The following CTNNA1 variants were observed in gnomAD, a reference collection of about 807,000 sequenced individuals.
CTNNA1 encodes catenin alpha-1.
In CTNNA1, 37 loss-of-function variants were observed where a neutral mutation model predicts 98.4. That is an observed-to-expected ratio of 0.38 (90% CI 0.29 to 0.49). The LOEUF is 0.49. Ranked by LOEUF, CTNNA1 falls within the 20% of genes least tolerant of loss-of-function variation. The pLI is 0.95. For missense variants in CTNNA1, 761 were observed against 1,147.2 expected (o/e 0.66, Z 4.86); for synonymous variants, 404 against 413.2 (o/e 0.98, Z 0.27).
intron 1 of CTNNA1, among the ~76,000 whole-genome samples, chr5:138,764,274 A>G (rs1226229440): frequency 6.7e-6 from 1 of 150,256 alleles, no homozygotes; most frequent in Non-Finnish European, 1.5e-5. Context: ...GCTGAGGCAG[A>G]AGAATCCCTT....
intron 1 of CTNNA1, among the ~76,000 whole-genome samples, chr5:138,780,671 C>G (rs1490823919): frequency 6.6e-6 from 1 of 152,012 alleles, no homozygotes; most frequent in Non-Finnish European, 1.5e-5. Flanking sequence ...GCGTGCACCA[C>G]CAGCCTGGCT....
chr5:138,840,969 C>T (rs1200021872), intron 7 of CTNNA1, among the ~76,000 whole-genome samples: 2 of 152,166 alleles, frequency 1.3e-5, no homozygotes, highest in African/African-American at 4.8e-5. Flanking sequence ...CAGGTTCTGT[C>T]ATGAGCATTG....
intron 7 of CTNNA1, among the ~76,000 whole-genome samples, chr5:138,837,691 A>G (rs1191527624): frequency 1.3e-5 from 2 of 151,384 alleles, no homozygotes; most frequent in Non-Finnish European, 2.9e-5. Context: ...GTGCAATCAC[A>G]GCTCACTGCA....
At chr5:138,798,739 G>A (rs543927352) in intron 3 of CTNNA1, among the ~76,000 whole-genome samples, 1 of 152,252 alleles carries the variant, frequency 6.6e-6, no homozygotes, top group South Asian at 2.1e-4. Flanking sequence ...AACATCAGGG[G>A]ATGACAGATT....
At chr5:138,759,345 A>G (rs1752059757) in intron 1 of CTNNA1, among the ~76,000 whole-genome samples, 1 of 152,154 alleles carries the variant, frequency 6.6e-6, no homozygotes, top group African/African-American at 2.4e-5. Context: ...AGGACTTCTC[A>G]GGTCTTTTTT....
intron 11 of CTNNA1, among the ~76,000 whole-genome samples, chr5:138,924,294 T>A (rs1158069763): frequency 1.5e-5 from 2 of 137,598 alleles, no homozygotes; most frequent in African/African-American, 5.4e-5. Context: ...TTTTTTTTTT[T>A]TAAAAACCTG....
At position 138,824,602 on chromosome 5, in the gene CTNNA1, C is replaced by T. The variant is rs1418040582; in HGVS notation, c.661C>T (p.Leu221Phe). The T allele has an allele frequency of 6.2e-7, 1 of 1,614,092 alleles. No individual in the cohort carries two copies. Among genetic ancestry groups the T allele is most frequent in the Non-Finnish European group, 8.5e-7 (1 of 1,180,034 alleles). ...RGILQKNVPI[L>F]YTASQACLQH... is the part of the protein sequence containing the mutation. ...AATCCTGCAGAAGAACGTTCCGATC[C>T]TCTATACTGCATCCCAGGCATGCCT... The change falls in exon 6 of 18, where the codon CTC (leucine) becomes TTC (phenylalanine). Residue 221 changes from leucine (L) to phenylalanine (F), a missense_variant. Physicochemically the swap from Leu to Phe is conservative, Grantham distance 22. Coordinates refer to ENST00000302763, the MANE Select transcript of CTNNA1 (RefSeq NM_001903.5).
intron 7 of CTNNA1, among the ~76,000 whole-genome samples, chr5:138,837,223 T>G (rs1761860472): frequency 6.6e-6 from 1 of 152,224 alleles, no homozygotes; most frequent in South Asian, 2.1e-4. Flanking sequence ...ATTCTTTTCT[T>G]GCAGTGTATA....
At chr5:138,780,170 G>T (rs552788893) in intron 1 of CTNNA1, among the ~76,000 whole-genome samples, 51 of 151,880 alleles carry the variant, frequency 3.4e-4, no homozygotes, top group African/African-American at 1.2e-3. Flanking sequence ...ACTTTTTAAA[G>T]ATTTTATTTT....
intron 9 of CTNNA1, among the ~76,000 whole-genome samples, chr5:138,903,950 A>T (rs1177279914): frequency 6.6e-6 from 1 of 152,204 alleles, no homozygotes; most frequent in Non-Finnish European, 1.5e-5. Context: ...CTTCAAGAAC[A>T]CTGCAAAACA....
At chr5:138,778,926 T>C (rs773702900) in intron 1 of CTNNA1, among the ~76,000 whole-genome samples, 6 of 152,116 alleles carry the variant, frequency 3.9e-5, no homozygotes, top group Non-Finnish European at 7.4e-5. Context: ...TTGCCTAGGC[T>C]GGAGTGCAGT....
chr5:138,924,460 CT>C (rs1191084393), intron 11 of CTNNA1, 49 bp from the exon 12 acceptor site: 3 of 1,593,382 alleles, frequency 1.9e-6, no homozygotes, highest in Non-Finnish European at 1.7e-6. Context: ...CAGTTGCCAC[CT>C]TTTCATAGAA....
At chr5:138,931,731 C>T in intron 16 of CTNNA1, 2 of 985,452 alleles carry the variant, frequency 2.0e-6, no homozygotes, top group Non-Finnish European at 2.4e-6. Context: ...GCTGTCAATA[C>T]TGTCATCTGA....
chr5:138,915,746 G>A (rs1425334606), intron 10 of CTNNA1, among the ~76,000 whole-genome samples: 1 of 152,172 alleles, frequency 6.6e-6, no homozygotes, highest in Non-Finnish European at 1.5e-5. Flanking sequence ...ACAAAGTACT[G>A]GTACATGCTA....
At chr5:138,855,946 AAAG>A (rs1043115414) in intron 7 of CTNNA1, among the ~76,000 whole-genome samples, 7 of 152,218 alleles carry the variant, frequency 4.6e-5, no homozygotes, top group African/African-American at 1.7e-4. Flanking sequence ...GAATCTTTCT[AAAG>A]AAGGAGAAAG....
chr5:138,895,176 T>C (rs1756493098), intron 9 of CTNNA1, among the ~76,000 whole-genome samples: 1 of 152,162 alleles, frequency 6.6e-6, no homozygotes, highest in African/African-American at 2.4e-5. Flanking sequence ...TCAAAGTTAA[T>C]AAACATTAGA....
At chr5:138,811,670 C>T (rs928679068) in intron 4 of CTNNA1, among the ~76,000 whole-genome samples, 6 of 152,200 alleles carry the variant, frequency 3.9e-5, no homozygotes, top group South Asian at 4.1e-4. Flanking sequence ...AATCCCGGCA[C>T]CTCTGGAGGC....
In CTNNA1 at chr5:138,782,215, C is replaced by T. The variant is rs1184018088; in HGVS notation, c.105+186C>T. On this transcript the variant is annotated intron_variant, in intron 2 of 17. Coordinates refer to ENST00000302763, the MANE Select transcript of CTNNA1 (RefSeq NM_001903.5). ...TAACCCTTGAGAACGCTGCTGCTGT[C>T]GTTTTCTTCAGTCTTATTGCTAGTA... is the stretch of plus-strand genomic sequence containing the variant. 2.0e-5 allele frequency: 13 copies of T among 651,690 alleles called. No individual in the cohort carries two copies. The East Asian group carries it at 2.4e-4, about 12-fold the overall frequency. 40.4% of individuals were successfully genotyped at this position (651,690 alleles called of 1,614,324 possible).
At chr5:138,780,170 GATTTT>G (rs1258068067) in intron 1 of CTNNA1, among the ~76,000 whole-genome samples, 2 of 151,762 alleles carry the variant, frequency 1.3e-5, no homozygotes, top group Non-Finnish European at 2.9e-5. Context: ...ACTTTTTAAA[GATTTT>G]ATTTTATTTA....
Sources: allele counts gnomAD v4.1 joint callset (sites outside exome capture counted in the v4.1 genomes callset), GRCh38; gene constraint gnomAD v4.1.1; transcripts MANE v1.5; gene names NCBI Gene and HGNC (gene_info 2026-07-23, HGNC 2026-07-21).